CFAP47: variants seen among roughly 807,000 people sequenced by gnomAD.
CFAP47 encodes cilia and flagella associated protein 47.
CFAP47 carries 29 observed loss-of-function variants against 148.1 expected under a neutral mutation model. The observed-to-expected ratio is 0.20, with a 90% CI of 0.15 to 0.27. The LOEUF is 0.27. CFAP47 is among the 10% of genes least tolerant of loss of function. The pLI is 1.00. For missense variants in CFAP47, 1,872 were observed against 1,697.5 expected, an observed-to-expected ratio of 1.10 and a Z score of -1.81; for synonymous variants, 664 against 577.3, an observed-to-expected ratio of 1.15 and a Z score of -2.15.
intron 61 of CFAP47, among the ~76,000 whole-genome samples, chrX:36,361,751 T>G (rs1320227773): frequency 8.9e-6 from 1 of 111,870 alleles, no homozygotes; most frequent in Non-Finnish European, 1.9e-5. Context: ...TGTATCACAT[T>G]AATGAAAGAG....
intron 45 of CFAP47, among the ~76,000 whole-genome samples, chrX:36,222,150 C>A (rs1417214473): frequency 8.9e-6 from 1 of 111,870 alleles, no homozygotes; most frequent in Non-Finnish European, 1.9e-5. Context: ...GTCTGCCCTG[C>A]TGGCAGATAC....
intron 26 of CFAP47, among the ~76,000 whole-genome samples, chrX:36,062,190 C>T (rs769817365): frequency 4.5e-5 from 5 of 110,930 alleles, no homozygotes; most frequent in East Asian, 5.6e-4. Flanking sequence ...GAAATAGTAT[C>T]GATGGGAGCA....
chrX:35,953,446 T>G, intron 6 of CFAP47, 146 bp from the exon 7 acceptor site: 1 of 425,849 alleles, frequency 2.3e-6, no homozygotes, highest in Non-Finnish European at 3.8e-6. Flanking sequence ...GTGCAGTAAA[T>G]TTGGATAATG....
At chrX:36,283,005 G>A (rs1556003903) in intron 50 of CFAP47, among the ~76,000 whole-genome samples, 1 of 110,860 alleles carries the variant, frequency 9.0e-6, no homozygotes. Context: ...TAATATAAAT[G>A]TGTATATTCT....
intron 60 of CFAP47, among the ~76,000 whole-genome samples, chrX:36,358,285 C>T (rs782799990): frequency 8.9e-6 from 1 of 112,265 alleles, no homozygotes; most frequent in African/African-American, 3.2e-5. Flanking sequence ...GAAGTACTTT[C>T]TGCCCTTGGC....
intron 56 of CFAP47, among the ~76,000 whole-genome samples, chrX:36,316,391 G>C (rs782027196): frequency 8.9e-6 from 1 of 112,141 alleles, no homozygotes; most frequent in East Asian, 2.8e-4. Context: ...ATATTCTAAG[G>C]AGGTCATCAT....
At chrX:35,967,567 A>G in intron 9 of CFAP47, 52 bp from the exon 10 acceptor site, 2 of 938,781 alleles carry the variant, frequency 2.1e-6, no homozygotes, top group South Asian at 2.2e-5. Context: ...TATTGTTTTT[A>G]AAGTTGAAAT....
chrX:35,973,074 C>A (rs1368783941), intron 13 of CFAP47, among the ~76,000 whole-genome samples: 1 of 112,239 alleles, frequency 8.9e-6, no homozygotes, highest in Non-Finnish European at 1.9e-5. Flanking sequence ...ATTTGATACT[C>A]ATTTCCCTAA....
intron 25 of CFAP47, 25 bp downstream of exon 25, chrX:36,039,204 A>G: frequency 2.4e-6 from 2 of 833,472 alleles, no homozygotes; most frequent in Non-Finnish European, 1.6e-6. Context: ...TGAATTTACC[A>G]CATTTTCTTT....
At chrX:36,170,190 C>T (rs1369762936) in intron 39 of CFAP47, among the ~76,000 whole-genome samples, 1 of 111,918 alleles carries the variant, frequency 8.9e-6, no homozygotes, top group Non-Finnish European at 1.9e-5. Context: ...TTGCATGCCT[C>T]TCTGTATTTA....
At chrX:35,963,790 C>T (rs1601903953) in intron 8 of CFAP47, among the ~76,000 whole-genome samples, 1 of 111,384 alleles carries the variant, frequency 9.0e-6, no homozygotes, top group East Asian at 2.8e-4. Context: ...ACATCTTTAA[C>T]ATAAAACAGT....
chrX:36,306,660 A>G, intron 54 of CFAP47, 112 bp from the exon 55 acceptor site: 3 of 405,378 alleles, frequency 7.4e-6, no homozygotes, highest in Non-Finnish European at 1.3e-5. Context: ...GTGCAAGACA[A>G]CACATTAATC....
chrX:36,275,691 C>T (rs1287825713), intron 49 of CFAP47, among the ~76,000 whole-genome samples: 1 of 110,674 alleles, frequency 9.0e-6, no homozygotes, highest in African/African-American at 3.3e-5. Context: ...GGTATCAGGG[C>T]AATGCTACCC....
At chrX:36,121,111 A>G (rs1938735667) in intron 33 of CFAP47, among the ~76,000 whole-genome samples, 1 of 111,801 alleles carries the variant, frequency 8.9e-6, no homozygotes, top group African/African-American at 3.2e-5. Flanking sequence ...ATCATTATAT[A>G]GTGACCTTCT....
In CFAP47 at chrX:36,353,534, A is replaced by G. The variant is rs1556017861; in HGVS notation, c.8704A>G (p.Ile2902Val). The G allele has an allele frequency of 8.6e-7, 1 of 1,160,917 alleles. No homozygotes were observed. The highest frequency in any genetic ancestry group is 1.8e-5 in the African/African-American group (1 of 55,499). Reference sequence around the variant, plus strand: ...GAAATATTTCTCTCCTGCAGTTGTCATACAATGTCAGTCCAGGAAGCGGGC... The same window carrying G: ...GAAATATTTCTCTCCTGCAGTTGTCGTACAATGTCAGTCCAGGAAGCGGGC... Reference protein sequence around the residue: ...APPPKSPPVVIQCQSRKRAEE... With the variant: ...APPPKSPPVVVQCQSRKRAEE... Residue 2902 changes from isoleucine to valine, a missense_variant, in exon 60 of 64, where the codon ATA (isoleucine) becomes GTA (valine). Coordinates refer to ENST00000378653, the MANE Select transcript of CFAP47 (RefSeq NM_001304548.2).
At chrX:36,053,054 T>C (rs1465380055) in intron 26 of CFAP47, among the ~76,000 whole-genome samples, 1 of 112,278 alleles carries the variant, frequency 8.9e-6, no homozygotes, top group Non-Finnish European at 1.9e-5. Context: ...TTAGGAACTG[T>C]AGTGTAAACT....
rs1938631541 is a variant in CFAP47 at position 36,115,871 on chromosome X, G to A, written c.5320+11180G>A. 3.6e-5 allele frequency among the ~76,000 whole-genome samples: 4 copies of A among 111,307 alleles called. No homozygotes were observed. In the Admixed American group the frequency reaches 3.8e-4, roughly 11 times the overall value. On this transcript the variant is annotated intron_variant, in intron 33 of 63. Transcript: ENST00000378653. ...TTCAGAAGAATAACTGCATCTAATA[G>A]GACATAAATCTGTAGTTTTTCATCT...
intron 55 of CFAP47, among the ~76,000 whole-genome samples, chrX:36,310,409 A>G (rs1212904679): frequency 1.3e-4 from 14 of 109,870 alleles, no homozygotes; most frequent in African/African-American, 4.6e-4. Context: ...TCTGTGCCTC[A>G]TCTTCTTTGC....
At chrX:35,977,189 C>T (rs1318920216) in intron 15 of CFAP47, among the ~76,000 whole-genome samples, 10 of 111,507 alleles carry the variant, frequency 9.0e-5, no homozygotes, top group East Asian at 2.8e-4. Context: ...TTATAACAGC[C>T]GAAGTCCAAT....
Sources: allele counts gnomAD v4.1 joint callset (sites outside exome capture counted in the v4.1 genomes callset), GRCh38; gene constraint gnomAD v4.1.1; transcripts MANE v1.5; gene names NCBI Gene and HGNC (gene_info 2026-07-23, HGNC 2026-07-21).